The following PLPP4 variants were observed in gnomAD, a reference collection of about 807,000 sequenced individuals.
PLPP4 encodes the protein diacylglycerol pyrophosphate like 2.
In PLPP4, 20 loss-of-function variants were observed where a neutral mutation model predicts 32.2. That is an observed-to-expected ratio of 0.62 (90% CI 0.44 to 0.90). PLPP4 has a LOEUF of 0.90. Ranked by LOEUF, PLPP4 falls within the 40% of genes least tolerant of loss-of-function variation. The pLI, the probability that PLPP4 is intolerant of heterozygous loss-of-function variation, is 0.00. For missense variants in PLPP4, 257 were observed against 353.1 expected, an observed-to-expected ratio of 0.73 and a Z score of 2.18; for synonymous variants, 127 against 133.0, an observed-to-expected ratio of 0.95 and a Z score of 0.31.
chr10:120,536,800 A>G (rs899760173), intron 5 of PLPP4, among the ~76,000 whole-genome samples: 1 of 152,166 alleles, frequency 6.6e-6, no homozygotes, highest in Non-Finnish European at 1.5e-5. Context: ...CAAACTGTAT[A>G]TCAAATAAGA....
chr10:120,515,342 C>A (rs1186996728), intron 3 of PLPP4, among the ~76,000 whole-genome samples: 1 of 152,226 alleles, frequency 6.6e-6, no homozygotes, highest in Admixed American at 6.5e-5. Context: ...CAGCCTGATT[C>A]TTCTGCCTCA....
At chr10:120,525,918 A>G (rs1351580157) in intron 5 of PLPP4, among the ~76,000 whole-genome samples, 1 of 152,066 alleles carries the variant, frequency 6.6e-6, no homozygotes, top group Non-Finnish European at 1.5e-5. Flanking sequence ...TTTGGTATTT[A>G]TCGTTCTGCT....
chr10:120,491,768 G>A (rs889860891), intron 1 of PLPP4, among the ~76,000 whole-genome samples: 6 of 151,878 alleles, frequency 4.0e-5, no homozygotes, highest in African/African-American at 1.5e-4. Context: ...TCCTAGATAT[G>A]GCATCATGTC....
chr10:120,513,886 A>G, intron 2 of PLPP4, 25 bp from the exon 3 acceptor site: 1 of 1,571,862 alleles, frequency 6.4e-7, no homozygotes, highest in Non-Finnish European at 8.8e-7. Context: ...TGTCCTCATA[A>G]GGGATTGTTT....
intron 3 of PLPP4, among the ~76,000 whole-genome samples, chr10:120,518,135 C>T (rs554437169): frequency 2.6e-5 from 4 of 152,316 alleles, no homozygotes; most frequent in Admixed American, 6.5e-5. Flanking sequence ...CTGCCGCCTT[C>T]GGGACAATCT....
intron 4 of PLPP4, 75 bp downstream of exon 4, chr10:120,518,971 C>A: frequency 8.7e-7 from 1 of 1,143,766 alleles, no homozygotes; most frequent in Non-Finnish European, 1.3e-6. Flanking sequence ...CCAGAGGACA[C>A]TGGATGGGAC....
At chr10:120,466,667 T>C (rs778800294) in intron 1 of PLPP4, among the ~76,000 whole-genome samples, 18 of 152,174 alleles carry the variant, frequency 1.2e-4, no homozygotes, top group Non-Finnish European at 2.5e-4. Flanking sequence ...CCCAGTTTTA[T>C]AGGTCAAAAC....
intron 1 of PLPP4, among the ~76,000 whole-genome samples, chr10:120,502,093 A>C (rs1274710835): frequency 6.6e-6 from 1 of 152,192 alleles, no homozygotes; most frequent in Non-Finnish European, 1.5e-5. Context: ...GAGGGGATGC[A>C]ATAGGGATTC....
At chr10:120,529,385 A>G (rs1258203185) in intron 5 of PLPP4, among the ~76,000 whole-genome samples, 1 of 152,240 alleles carries the variant, frequency 6.6e-6, no homozygotes, top group Non-Finnish European at 1.5e-5. Flanking sequence ...GAAGAAATTG[A>G]TCACTGTGTT....
intron 6 of PLPP4, among the ~76,000 whole-genome samples, chr10:120,576,296 C>T (rs1025906685): frequency 6.6e-6 from 1 of 152,220 alleles, no homozygotes; most frequent in African/African-American, 2.4e-5. Flanking sequence ...ACCTCCTCTC[C>T]CTTTCTTGTT....
intron 2 of PLPP4, among the ~76,000 whole-genome samples, chr10:120,513,295 A>G (rs543533304): frequency 6.6e-6 from 1 of 152,304 alleles, no homozygotes; most frequent in East Asian, 1.9e-4. Flanking sequence ...CACCAGTACC[A>G]TGGTTTCCAC....
chr10:120,538,042 C>CTGTG (rs1309162272), intron 5 of PLPP4, among the ~76,000 whole-genome samples: 10 of 39,454 alleles, frequency 2.5e-4, no homozygotes, highest in South Asian at 8.6e-4. Flanking sequence ...CTCTCTCTCT[C>CTGTG]TCTCTCTCTC....
chr10:120,519,538 A>G (rs1374229094), intron 4 of PLPP4, among the ~76,000 whole-genome samples: 2 of 151,808 alleles, frequency 1.3e-5, no homozygotes, highest in South Asian at 2.1e-4. Flanking sequence ...ATAGATAAAA[A>G]TCAGGCAGTA....
At chr10:120,520,433 A>G (rs1467414808) in intron 4 of PLPP4, among the ~76,000 whole-genome samples, 1 of 152,240 alleles carries the variant, frequency 6.6e-6, no homozygotes, top group Non-Finnish European at 1.5e-5. Context: ...GTGGTAGATT[A>G]ATAGGATTAC....
In PLPP4 at chr10:120,589,257, G is replaced by A. The variant is rs1293951351; in HGVS notation, c.617-46G>A. On this transcript the variant is annotated intron_variant, in intron 6 of 6. Transcript: ENST00000398250. ...CTGGAAAATATAATTGGCCACATTTGAACAAATGGTAACCCATTTTTCCTG... is the reference window on the plus strand; with the variant it reads ...CTGGAAAATATAATTGGCCACATTTAAACAAATGGTAACCCATTTTTCCTG... 7 of 1,578,242 alleles carry A rather than the reference G, an allele frequency of 4.4e-6. No homozygotes were observed. The African/African-American group carries it at 5.4e-5, about 12-fold the overall frequency.
At chr10:120,577,322 CT>C (rs1214271438) in intron 6 of PLPP4, among the ~76,000 whole-genome samples, 1 of 152,186 alleles carries the variant, frequency 6.6e-6, no homozygotes, top group Non-Finnish European at 1.5e-5. Context: ...CAATAAGAGC[CT>C]TTGCATAGTA....
intron 1 of PLPP4, among the ~76,000 whole-genome samples, chr10:120,494,434 G>A (rs1459891238): frequency 6.6e-6 from 1 of 152,186 alleles, no homozygotes; most frequent in Non-Finnish European, 1.5e-5. Flanking sequence ...CGCAGAATCT[G>A]TGCCCCCACA....
intron 5 of PLPP4, among the ~76,000 whole-genome samples, chr10:120,549,880 A>G (rs1044413670): frequency 6.6e-6 from 1 of 152,176 alleles, no homozygotes; most frequent in South Asian, 2.1e-4. Context: ...TGCTAACTTC[A>G]TACTTAGTGG....
intron 1 of PLPP4, among the ~76,000 whole-genome samples, chr10:120,475,137 G>T (rs1224948313): frequency 6.6e-6 from 1 of 152,042 alleles, no homozygotes; most frequent in Non-Finnish European, 1.5e-5. Context: ...GAGCAAGTGG[G>T]GCTTTGACAT....
Sources: gnomAD v4.1 joint callset for allele counts (sites outside exome capture counted in the v4.1 genomes callset) on GRCh38, gnomAD v4.1.1 for gene constraint, MANE v1.5 for transcripts, NCBI Gene and HGNC (gene_info 2026-07-23, HGNC 2026-07-21) for gene names.